KLHL18: variants seen among roughly 807,000 people sequenced by gnomAD.
KLHL18 encodes kelch like family member 18, also known as kelch-like protein 18.
Under a neutral mutation model 58.5 loss-of-function variants are expected in KLHL18, and 38 were observed. The ratio of observed to expected loss-of-function variants is 0.65; its 90% confidence interval spans 0.50 to 0.85. The LOEUF is 0.85. Among genes scored for constraint, KLHL18 ranks in the 40% least tolerant of loss-of-function variants. KLHL18 has a pLI of 0.00. For synonymous variants in KLHL18, 303 were observed against 301.9 expected (o/e 1.00, Z -0.04); for missense variants, 624 against 778.4 (o/e 0.80, Z 2.36).
intron 9 of KLHL18, 83 bp downstream of exon 9, chr3:47,342,913 T>TG: frequency 2.8e-6 from 3 of 1,064,432 alleles, no homozygotes; most frequent in Non-Finnish European, 4.3e-6. Flanking sequence ...TGAAAAAACT[T>TG]CAGCCTTGCC....
rs777534682 is a variant in KLHL18 at position 47,342,877 on chromosome 3, G to A, written c.1338+47G>A. On this transcript the variant is annotated intron_variant, in intron 9 of 9. Transcript: ENST00000232766. ...GATAAGGGTACCTACTTCTGTCTTT[G>A]AGATTTATTTTAGAAGATCATTATT... 5.5e-5 allele frequency: 76 copies of A among 1,377,298 alleles called. No individual in the cohort carries two copies. In the African/African-American group the frequency reaches 1.0e-3, roughly 18 times the overall value. The allele number at this position is 1,377,298 out of a possible 1,614,324, so 85.3% of individuals were successfully genotyped here.
intron 3 of KLHL18, among the ~76,000 whole-genome samples, chr3:47,324,294 C>CTTTTTTTTTTTTTTT (rs1559498832): frequency 8.5e-4 from 9 of 10,608 alleles, no homozygotes; most frequent in African/African-American, 1.0e-3. Flanking sequence ...CTTTTTCTTT[C>CTTTTTTTTTTTTTTT]TTTCTTTTTT....
rs1267335365 is a variant in KLHL18, at chr3:47,334,110, G to C, written c.762-573G>C. On this transcript the variant is annotated intron_variant, in intron 5 of 9. Coordinates refer to ENST00000232766, the MANE Select transcript of KLHL18 (RefSeq NM_025010.5). The surrounding 1 kb of genome is among the most constrained non-coding windows in gnomAD (Gnocchi z 4.7). The stretch of plus-strand genomic sequence containing the variant: ...TGAAGGTGTGTGTCAGGATGGGGTG[G>C]AGTAGTGTCTGGAGGTAGCTAGGGC... Among the ~76,000 whole-genome samples the C allele has an allele frequency of 2.0e-5, 3 of 152,204 alleles. No homozygotes were observed. Among genetic ancestry groups the C allele is most frequent in the African/African-American group, 7.2e-5 (3 of 41,456 alleles).
intron 1 of KLHL18, among the ~76,000 whole-genome samples, chr3:47,318,980 GT>G (rs1330350936): frequency 3.3e-5 from 5 of 152,224 alleles, no homozygotes; most frequent in African/African-American, 1.2e-4. Flanking sequence ...AAGTGGAAAT[GT>G]TTATATAGCT....
rs1403832049 is a variant in KLHL18, at chr3:47,341,058, G to A, written c.1226+382G>A. On this transcript the variant is annotated intron_variant, in intron 8 of 9. Coordinates refer to ENST00000232766, the MANE Select transcript of KLHL18 (RefSeq NM_025010.5). ...TAAGTTCTGTGGTCAGATAGGCTTG[G>A]GAAATGTTGATGTCTGAACTGCCAG... is the stretch of plus-strand genomic sequence containing the variant. 2.6e-5 allele frequency among the ~76,000 whole-genome samples: 4 copies of A among 152,236 alleles called. No individual in the cohort carries two copies. The East Asian group carries it at 7.7e-4, about 29-fold the overall frequency.
intron 1 of KLHL18, among the ~76,000 whole-genome samples, chr3:47,299,826 C>CAA (rs55695849): frequency 2.5e-4 from 11 of 43,824 alleles, no homozygotes; most frequent in South Asian, 1.5e-3. Flanking sequence ...TACTGTGTCT[C>CAA]AAAAAAAAAA....
chr3:47,296,486 G>A (rs1008573495), intron 1 of KLHL18, among the ~76,000 whole-genome samples: 1 of 152,206 alleles, frequency 6.6e-6, no homozygotes, highest in African/African-American at 2.4e-5. Flanking sequence ...GGCATTTATA[G>A]ATGAGTGGGG....
intron 2 of KLHL18, 148 bp downstream of exon 2, chr3:47,319,931 C>G (rs1703546551): frequency 1.2e-6 from 1 of 855,618 alleles, no homozygotes; most frequent in South Asian, 1.8e-5. Flanking sequence ...CAGATTAGAA[C>G]CTGGGCCAGT....
intron 6 of KLHL18, among the ~76,000 whole-genome samples, chr3:47,335,967 G>A (rs891867393): frequency 1.3e-5 from 2 of 152,196 alleles, no homozygotes; most frequent in Non-Finnish European, 2.9e-5. Flanking sequence ...GGAAGAGGGG[G>A]TTATTTTGTT....
At position 47,322,691 on chromosome 3, in the gene KLHL18, C is replaced by T. The variant is rs1703617060; in HGVS notation, c.384C>T (p.Cys128=). The change falls in exon 3 of 10, where the codon TGC becomes TGT. Residue 128 remains cysteine, a synonymous_variant. Coordinates refer to ENST00000232766, the MANE Select transcript of KLHL18 (RefSeq NM_025010.5). ...LQLQSIKDAC[C]TFLRERLHPK... is the part of the protein sequence containing the mutation. ...TGCAGAGCATCAAAGACGCCTGCTG[C>T]ACATTCCTTCGAGAACGGTGAGGTG... The T allele has an allele frequency of 6.3e-7, 1 of 1,591,994 alleles. No individual in the cohort carries two copies. The highest frequency in any genetic ancestry group is 1.4e-5 in the African/African-American group (1 of 74,050).
chr3:47,320,268 A>G lies in KLHL18; in HGVS notation c.260+485A>G, dbSNP rs148728954. ...TGGTAGCCACTAGACACAGATGGCT[A>G]TTGAGCACTCGAAATACGACTAGTG... On this transcript the variant is annotated intron_variant, in intron 2 of 9. Coordinates refer to ENST00000232766, the MANE Select transcript of KLHL18 (RefSeq NM_025010.5). 1.2e-4 allele frequency among the ~76,000 whole-genome samples: 18 copies of G among 152,322 alleles called. No homozygotes were observed. In the East Asian group the frequency reaches 3.5e-3, roughly 29 times the overall value.
Position 47,289,749 on chromosome 3 carries a change from C to T in KLHL18, c.129+6655C>T, listed in dbSNP as rs566099460. Among the ~76,000 whole-genome samples, 6 of 152,180 alleles carry T rather than the reference C, an allele frequency of 3.9e-5. No individual in the cohort carries two copies. In the East Asian group the frequency reaches 7.7e-4, roughly 20 times the overall value. On this transcript the variant is annotated intron_variant, in intron 1 of 9. Transcript: ENST00000232766. Reference sequence around the variant, plus strand: ...AGTGTGAGCCATAGTTGAACGACTGCACTGCAGCCTGGCAATAGCGTGACT... The same window carrying T: ...AGTGTGAGCCATAGTTGAACGACTGTACTGCAGCCTGGCAATAGCGTGACT...
At chr3:47,292,055 A>G (rs1553628981) in intron 1 of KLHL18, among the ~76,000 whole-genome samples, 2 of 152,214 alleles carry the variant, frequency 1.3e-5, no homozygotes, top group Non-Finnish European at 2.9e-5. Context: ...GTTCCAGTGA[A>G]ACAGACAGTC....
rs574476684 is a variant in KLHL18, at chr3:47,326,730, C to G, written c.402-3221C>G. Among the ~76,000 whole-genome samples the G allele has an allele frequency of 3.3e-5, 5 of 152,044 alleles. No homozygotes were observed. The South Asian group carries it at 1.0e-3, about 32-fold the overall frequency. Reference sequence around the variant, plus strand: ...GGTCGGGAGTTCGAGACCAGCCTGGCCAACATAGTGAAACCCCATCTCTAC... The same window carrying G: ...GGTCGGGAGTTCGAGACCAGCCTGGGCAACATAGTGAAACCCCATCTCTAC... On this transcript the variant is annotated intron_variant, in intron 3 of 9. Transcript: ENST00000232766.
At chr3:47,343,523 G>A (rs775259391) in intron 9 of KLHL18, 32 bp from the exon 10 acceptor site, 1 of 1,611,656 alleles carries the variant, frequency 6.2e-7, no homozygotes, top group Admixed American at 1.7e-5. Context: ...GCCTCTGACT[G>A]TCCTGTACCT....
chr3:47,342,675 C>A (rs752096393), intron 8 of KLHL18, 44 bp from the exon 9 acceptor site: 9 of 1,537,830 alleles, frequency 5.9e-6, no homozygotes, highest in Admixed American at 5.0e-5. Context: ...GAACAAGAAC[C>A]CTGAATCTCA....
rs756580073 is a variant in KLHL18, at chr3:47,333,253, C to T, written c.697C>T (p.Arg233Trp). Residue 233 changes from arginine to tryptophan, a missense_variant, in exon 5 of 10, where the codon CGG (arginine) becomes TGG (tryptophan). Arg to Trp is a moderately radical substitution (Grantham distance 101, BLOSUM62 -3). Coordinates refer to ENST00000232766, the MANE Select transcript of KLHL18 (RefSeq NM_025010.5). ...LLSNIRLPLC[R>W]PQFLSDRVQQ... Reference sequence around the variant, plus strand: ...GTCCAATATCCGCCTGCCCCTCTGTCGGCCCCAGTTCCTTTCAGACAGAGT... The same window carrying T: ...GTCCAATATCCGCCTGCCCCTCTGTTGGCCCCAGTTCCTTTCAGACAGAGT... 24 of 1,614,058 alleles carry T rather than the reference C, an allele frequency of 1.5e-5. No homozygotes were observed. Among genetic ancestry groups the T allele is most frequent in the East Asian group, 2.2e-5 (1 of 44,890 alleles).
chr3:47,291,115 G>C (rs1187898261), intron 1 of KLHL18, among the ~76,000 whole-genome samples: 2 of 152,206 alleles, frequency 1.3e-5, no homozygotes, highest in Non-Finnish European at 2.9e-5. Context: ...CTTAACTGCA[G>C]ACGGTTCCTT....
In KLHL18 at chr3:47,344,747, T is replaced by C. The variant is rs997639300; in HGVS notation, c.*806T>C. 10 of 152,428 alleles carry C rather than the reference T, an allele frequency of 6.6e-5. No individual in the cohort carries two copies. Among genetic ancestry groups the C allele is most frequent in the African/African-American group, 2.4e-4 (10 of 41,350 alleles). 9.4% of individuals were successfully genotyped at this position (152,428 alleles called of 1,614,324 possible). A position where few individuals can be genotyped will look rare whatever the true frequency, so the allele number is the denominator to read the frequency against. The stretch of plus-strand genomic sequence containing the variant: ...GGCAAATCTATGTTTAAATGGAAAA[T>C]CGTCTAACTGGAGAAGGGCGGTATC... On this transcript the variant is annotated 3_prime_UTR_variant, in exon 10 of 10. Coordinates refer to ENST00000232766, the MANE Select transcript of KLHL18 (RefSeq NM_025010.5).
Sources: allele counts gnomAD v4.1 joint callset (sites outside exome capture counted in the v4.1 genomes callset), GRCh38; gene constraint gnomAD v4.1.1; non-coding constraint Gnocchi (gnomAD v3.1); transcripts MANE v1.5; gene names NCBI Gene and HGNC (gene_info 2026-07-23, HGNC 2026-07-21).